ITGA8: variants seen among roughly 807,000 people sequenced by gnomAD.
The protein encoded by ITGA8 is integrin subunit alpha 8, also known as integrin alpha-8.
In ITGA8, 91 loss-of-function variants were observed where a neutral mutation model predicts 142.3. That is an observed-to-expected ratio of 0.64 (90% CI 0.54 to 0.76). The LOEUF (loss-of-function observed/expected upper bound fraction) is 0.76. Ranked by LOEUF, ITGA8 falls within the 30% of genes least tolerant of loss-of-function variation. The pLI, the probability that ITGA8 is intolerant of heterozygous loss-of-function variation, is 0.00. For missense variants in ITGA8, 1,406 were observed against 1,327.7 expected, an observed-to-expected ratio of 1.06 and a Z score of -0.92; for synonymous variants, 505 against 485.2, an observed-to-expected ratio of 1.04 and a Z score of -0.54.
chr10:15,679,846 G>T (rs796422654), intron 4 of ITGA8, among the ~76,000 whole-genome samples: 23 of 152,304 alleles, frequency 1.5e-4, no homozygotes, highest in African/African-American at 5.5e-4. Flanking sequence ...AGGGCATTAG[G>T]ACCAGGAATT....
Position 15,516,871 on chromosome 10 carries a change from G to T in ITGA8, c.*287C>A, listed in dbSNP as rs186564565. 3.8e-5 allele frequency: 10 copies of T among 261,810 alleles called. No homozygotes were observed. Among genetic ancestry groups the T allele is most frequent in the South Asian group, 1.1e-4 (2 of 19,034 alleles). The allele number at this position is 261,810 out of a possible 1,614,324, so 16.2% of individuals were successfully genotyped here. ...TGGACTGCAACTTACGTTCCCATAC[G>T]CATTTCAAAGTGTCTGCCAAGTACA... On this transcript the variant is annotated 3_prime_UTR_variant, in exon 30 of 30. Coordinates refer to ENST00000378076, the MANE Select transcript of ITGA8 (RefSeq NM_003638.3).
At chr10:15,604,539 A>T (rs377685180) in intron 19 of ITGA8, among the ~76,000 whole-genome samples, 184 bp from the exon 20 acceptor site, 30 of 147,222 alleles carry the variant, frequency 2.0e-4, no homozygotes, top group African/African-American at 7.4e-4. Flanking sequence ...GCAGGAAAAC[A>T]CCCAGTAGTG....
intron 13 of ITGA8, among the ~76,000 whole-genome samples, chr10:15,630,200 A>T (rs140229432): frequency 2.8e-4 from 43 of 152,200 alleles, no homozygotes; most frequent in African/African-American, 9.7e-4. Flanking sequence ...TTCCATTCTC[A>T]TTCTGCACAA....
At chr10:15,593,868 G>C (rs547180769) in intron 21 of ITGA8, among the ~76,000 whole-genome samples, 13 of 142,668 alleles carry the variant, frequency 9.1e-5, no homozygotes, top group African/African-American at 3.3e-4. Flanking sequence ...TTGAGACAGA[G>C]TCTTGCTCTC....
At chr10:15,626,764 G>C (rs1409574491) in intron 13 of ITGA8, among the ~76,000 whole-genome samples, 1 of 152,150 alleles carries the variant, frequency 6.6e-6, no homozygotes, top group Non-Finnish European at 1.5e-5. Flanking sequence ...TATGCACAGA[G>C]AGAAGTCAAC....
intron 2 of ITGA8, among the ~76,000 whole-genome samples, chr10:15,688,400 G>A (rs531812763): frequency 1.3e-5 from 2 of 152,100 alleles, no homozygotes; most frequent in Admixed American, 1.3e-4. Context: ...GAACCCAGGA[G>A]GTGGAGGTTG....
At chr10:15,632,417 C>T (rs7082740) in intron 13 of ITGA8, among the ~76,000 whole-genome samples, 32,816 of 152,126 alleles carry the variant, frequency 0.22, 3,737 homozygotes, top group Admixed American at 0.31. Flanking sequence ...TGTTATCGGA[C>T]TTGAAAATGA....
At chr10:15,622,101 T>A (rs975731313) in intron 13 of ITGA8, among the ~76,000 whole-genome samples, 7 of 152,032 alleles carry the variant, frequency 4.6e-5, no homozygotes, top group Non-Finnish European at 8.8e-5. Context: ...GAGGTTGCAG[T>A]CAGCGAGATC....
At chr10:15,658,382 C>T (rs1834225092) in intron 10 of ITGA8, among the ~76,000 whole-genome samples, 1 of 152,084 alleles carries the variant, frequency 6.6e-6, no homozygotes, top group Non-Finnish European at 1.5e-5. Flanking sequence ...TCCCATTGTT[C>T]TTAGAAAAAA....
rs188605702 is a variant in ITGA8, at chr10:15,598,093, C to T, written c.2119-794G>A. Among the ~76,000 whole-genome samples the T allele has an allele frequency of 3.5e-3, 535 of 152,102 alleles. 3 individuals are homozygous for T. Among genetic ancestry groups the T allele is most frequent in the African/African-American group, 0.012 (502 of 41,522 alleles). On this transcript the variant is annotated intron_variant, in intron 20 of 29. Transcript: ENST00000378076. ...CCCTATTCTTTTCCCATACCGCAAA[C>T]CCTATGGTCCCACTCTGCATGCAGC... is the stretch of plus-strand genomic sequence containing the variant.
chr10:15,592,203 T>C (rs1739141211), intron 22 of ITGA8, 22 bp downstream of exon 22: 2 of 1,566,316 alleles, frequency 1.3e-6, no homozygotes, highest in East Asian at 2.2e-5. Flanking sequence ...CTGTCAACGA[T>C]ATAGGCATGT....
intron 25 of ITGA8, among the ~76,000 whole-genome samples, chr10:15,568,759 T>C (rs890724059): frequency 6.6e-6 from 1 of 152,188 alleles, no homozygotes; most frequent in South Asian, 2.1e-4. Flanking sequence ...AAGTATGTAT[T>C]TGTAAGGAAA....
At chr10:15,647,679 G>T (rs952723062) in intron 11 of ITGA8, among the ~76,000 whole-genome samples, 5 of 149,966 alleles carry the variant, frequency 3.3e-5, no homozygotes, top group Non-Finnish European at 7.4e-5. Context: ...AGCCAGGATG[G>T]TCTCGATCTC....
chr10:15,604,961 G>A (rs1266948494), intron 19 of ITGA8, among the ~76,000 whole-genome samples: 3 of 152,150 alleles, frequency 2.0e-5, no homozygotes. Context: ...CCAATAGTTG[G>A]AAATGCCTAC....
At chr10:15,570,610 C>CAAAAAAAAAAAAAAAAAAA (rs931457896) in intron 25 of ITGA8, among the ~76,000 whole-genome samples, 1 of 40,042 alleles carries the variant, frequency 2.5e-5, no homozygotes. Context: ...AACTCCATCT[C>CAAAAAAAAAAAAAAAAAAA]AAAAAAAAAA....
chr10:15,664,225 T>C (rs1292686006), intron 8 of ITGA8, among the ~76,000 whole-genome samples: 2 of 152,110 alleles, frequency 1.3e-5, no homozygotes, highest in East Asian at 3.9e-4. Flanking sequence ...AGAAGTGAGG[T>C]CAGGGTTTAA....
chr10:15,621,835 C>T (rs1463380746), intron 13 of ITGA8, among the ~76,000 whole-genome samples: 1 of 152,058 alleles, frequency 6.6e-6, no homozygotes, highest in African/African-American at 2.4e-5. Flanking sequence ...CCACTGCACT[C>T]CAGCCTGTGA....
intron 28 of ITGA8, among the ~76,000 whole-genome samples, chr10:15,530,541 CAAAA>C (rs57521125): frequency 5.3e-5 from 4 of 75,222 alleles, no homozygotes; most frequent in Admixed American, 2.0e-4. Context: ...GCGAGACTCT[CAAAA>C]AAAAAAAAAA....
At chr10:15,527,670 T>C (rs1833200804) in intron 28 of ITGA8, among the ~76,000 whole-genome samples, 1 of 152,110 alleles carries the variant, frequency 6.6e-6, no homozygotes, top group Non-Finnish European at 1.5e-5. Context: ...TTCTCTTCCA[T>C]AAGTAAAGCT....
Sources: allele counts gnomAD v4.1 joint callset (sites outside exome capture counted in the v4.1 genomes callset), GRCh38; gene constraint gnomAD v4.1.1; transcripts MANE v1.5; gene names NCBI Gene and HGNC (gene_info 2026-07-23, HGNC 2026-07-21).